Variants in GSE1 observed in about 807,000 individuals in gnomAD.
GSE1 encodes the protein genetic suppressor element 1.
A neutral mutation model predicts 112.6 loss-of-function variants in GSE1; 32 were observed. The ratio of observed to expected loss-of-function variants is 0.28; its 90% CI spans 0.21 to 0.38. The LOEUF (loss-of-function observed/expected upper bound fraction) is 0.38. Ranked by LOEUF, GSE1 falls within the 10% of genes least tolerant of loss-of-function variation. GSE1 has a pLI of 1.00. For missense variants in GSE1, 2,348 were observed against 1,699.2 expected, an observed-to-expected ratio of 1.38 and a Z score of -6.71; for synonymous variants, 1,115 against 735.6, an observed-to-expected ratio of 1.52 and a Z score of -8.35.
At chr16:85,558,379 C>G (rs1477141119) in intron 1 of GSE1, among the ~76,000 whole-genome samples, 2 of 152,020 alleles carry the variant, frequency 1.3e-5, no homozygotes, top group African/African-American at 2.4e-5. Flanking sequence ...TACAGGGCGT[C>G]TTCAAAGCAC....
At chr16:85,661,925 A>G (rs2052468829) in intron 9 of GSE1, among the ~76,000 whole-genome samples, 160 bp downstream of exon 9, 2 of 152,152 alleles carry the variant, frequency 1.3e-5, no homozygotes, top group East Asian at 1.9e-4. Context: ...TTGTAGCAGC[A>G]TGACACCCTC....
chr16:85,488,849 T>C (rs2050921715), intron 2 of GSE1, among the ~76,000 whole-genome samples: 1 of 151,964 alleles, frequency 6.6e-6, no homozygotes, highest in Non-Finnish European at 1.5e-5. Context: ...TCCTGGACAG[T>C]GTGGCCAGAG....
intron 2 of GSE1, among the ~76,000 whole-genome samples, chr16:85,481,753 C>T (rs1485524083): frequency 1.3e-5 from 2 of 152,224 alleles, no homozygotes; most frequent in East Asian, 1.9e-4. Context: ...CTGCCCAATG[C>T]CCGGCACTTT....
chr16:85,532,658 G>T (rs2044174986), intron 2 of GSE1, among the ~76,000 whole-genome samples: 2 of 152,190 alleles, frequency 1.3e-5, no homozygotes, highest in African/African-American at 4.8e-5. Context: ...GTTCCTCCCT[G>T]CCTGGATTCT....
intron 3 of GSE1, among the ~76,000 whole-genome samples, chr16:85,652,222 C>T (rs756283357): frequency 3.9e-5 from 6 of 152,344 alleles, no homozygotes; most frequent in Middle Eastern, 3.4e-3. Context: ...GAGCAGGTGC[C>T]GTGACGGGCA....
In GSE1 at chr16:85,592,608, T is replaced by C. The variant is rs1159055022; in HGVS notation, c.37+36245T>C. The C allele has an allele frequency of 2.6e-5, 4 of 152,176 alleles. No homozygotes were observed. In the East Asian group the frequency reaches 7.7e-4, roughly 29 times the overall value. 9.4% of individuals were successfully genotyped at this position (152,176 alleles called of 1,614,324 possible). ...AACACACGGCAGATCCAGAAATTTC[T>C]CTCCAGCAGAATGCAGCCCCTCAAG... On this transcript the variant is annotated intron_variant, in intron 1 of 2. Transcript: ENST00000635906.
chr16:85,463,360 C>T (rs1471045228), intron 2 of GSE1, among the ~76,000 whole-genome samples: 1 of 152,208 alleles, frequency 6.6e-6, no homozygotes, highest in South Asian at 2.1e-4. Flanking sequence ...TTGACCCCCG[C>T]GGTCTGGCTG....
intron 1 of GSE1, among the ~76,000 whole-genome samples, chr16:85,252,479 C>G (rs1906596108): frequency 6.6e-6 from 1 of 152,276 alleles, no homozygotes; most frequent in Non-Finnish European, 1.5e-5. Context: ...TCTCAAATTT[C>G]CCCTGAGCCC....
At chr16:85,589,090 G>T (rs747471805) in intron 1 of GSE1, among the ~76,000 whole-genome samples, 1 of 151,904 alleles carries the variant, frequency 6.6e-6, no homozygotes, top group Non-Finnish European at 1.5e-5. Context: ...CGGGATCCCC[G>T]TGTACCCGCC....
At chr16:85,566,709 T>A (rs531719226) in intron 1 of GSE1, among the ~76,000 whole-genome samples, 13 of 152,310 alleles carry the variant, frequency 8.5e-5, no homozygotes, top group African/African-American at 3.1e-4. Flanking sequence ...GTCCTGTAAT[T>A]CATTTAGGAT....
chr16:85,496,656 CAT>C (rs903654134), intron 2 of GSE1, among the ~76,000 whole-genome samples: 2 of 152,210 alleles, frequency 1.3e-5, no homozygotes, highest in African/African-American at 4.8e-5. Context: ...GCTGTCACGA[CAT>C]ATAGAGAGCG....
intron 1 of GSE1, among the ~76,000 whole-genome samples, chr16:85,327,954 C>G (rs1161923774): frequency 6.6e-6 from 1 of 152,174 alleles, no homozygotes; most frequent in Non-Finnish European, 1.5e-5. Flanking sequence ...TGGTGCCCCC[C>G]ACCCCCAGAT....
rs576058933 is a variant in GSE1, at chr16:85,656,436, T to C, written c.1083T>C (p.Arg361=). The C allele has an allele frequency of 6.4e-7, 1 of 1,564,478 alleles. No homozygotes were observed. Among genetic ancestry groups the C allele is most frequent in the African/African-American group, 1.4e-5 (1 of 71,786 alleles). ...CTGACCGCGAGCGGGAGAAGGAACG[T>C]GAGCGCGAACGCGAGAAGGAGCGCG... ...READREREKE[R]EREREKEREQ... is the part of the protein sequence containing the mutation. The change falls in exon 7 of 16, where the codon CGT becomes CGC. Residue 361 remains arginine, a synonymous_variant. Transcript: ENST00000253458.
intron 1 of GSE1, among the ~76,000 whole-genome samples, chr16:85,620,747 C>T (rs2048679157): frequency 1.3e-5 from 2 of 152,232 alleles, no homozygotes; most frequent in Admixed American, 6.5e-5. Context: ...TGGGTCTCTG[C>T]ACTGTTCTCA....
intron 1 of GSE1, among the ~76,000 whole-genome samples, chr16:85,258,485 C>T (rs1907315182): frequency 6.6e-6 from 1 of 151,742 alleles, no homozygotes; most frequent in African/African-American, 2.4e-5. Flanking sequence ...GCAAACCCAG[C>T]AAAGCTCAGC....
At chr16:85,549,738 C>A (rs956524327) in intron 2 of GSE1, among the ~76,000 whole-genome samples, 3 of 152,212 alleles carry the variant, frequency 2.0e-5, no homozygotes, top group Non-Finnish European at 4.4e-5. Context: ...CATAGACGGT[C>A]CAGGGACCTA....
At chr16:85,656,309 C>T (rs764995681) in intron 6 of GSE1, 34 bp from the exon 7 acceptor site, 3 of 1,605,600 alleles carry the variant, frequency 1.9e-6, no homozygotes, top group Non-Finnish European at 2.6e-6. Flanking sequence ...GTTCCTGGTG[C>T]AGCAGAGCCC....
In GSE1 at chr16:85,338,476, A is replaced by G. The variant is rs368645364; in HGVS notation, c.2284-18987A>G. Among the ~76,000 whole-genome samples, 4 of 152,222 alleles carry G rather than the reference A, an allele frequency of 2.6e-5. No individual in the cohort carries two copies. The East Asian group carries it at 7.7e-4, about 29-fold the overall frequency. On this transcript the variant is annotated intron_variant, in intron 1 of 2. Transcript: ENST00000637419. ...CCTGCCTCAGTCTCCCCCTCCATCA[A>G]ATGGGCGTATAATGATAGCACCTAT...
At chr16:85,655,440 C>T (rs914246368) in intron 5 of GSE1, among the ~76,000 whole-genome samples, 2 of 152,212 alleles carry the variant, frequency 1.3e-5, no homozygotes, top group African/African-American at 4.8e-5. Context: ...GCCCAGCCTG[C>T]TCGCCAGCCT....
Sources: allele counts gnomAD v4.1 joint callset (sites outside exome capture counted in the v4.1 genomes callset), GRCh38; gene constraint gnomAD v4.1.1; transcripts MANE v1.5; gene names NCBI Gene and HGNC (gene_info 2026-07-23, HGNC 2026-07-21).